PCM1: variants seen among roughly 807,000 people sequenced by gnomAD.
PCM1 encodes pericentriolar material 1.
A neutral mutation model predicts 241.9 loss-of-function variants in PCM1; 157 were observed. The ratio of observed to expected loss-of-function variants is 0.65; its 90% CI spans 0.57 to 0.74. The LOEUF (loss-of-function observed/expected upper bound fraction) is 0.74. Among genes scored for constraint, PCM1 ranks in the 30% least tolerant of loss-of-function variants. The pLI is 0.00. For missense variants in PCM1, 3,478 were observed against 2,360.1 expected (o/e 1.47, Z -9.81); for synonymous variants, 1,085 against 784.9 (o/e 1.38, Z -6.39).
At chr8:17,961,822 G>A (rs192491420) in intron 15 of PCM1, among the ~76,000 whole-genome samples, 314 of 152,128 alleles carry the variant, frequency 2.1e-3, no homozygotes, top group Middle Eastern at 3.4e-3. Context: ...TGTTTCTGTT[G>A]TTTCTGAGGG....
chr8:18,019,298 A>G (rs576828346), intron 36 of PCM1, among the ~76,000 whole-genome samples: 3 of 152,266 alleles, frequency 2.0e-5, no homozygotes, highest in African/African-American at 4.8e-5. Context: ...TAAGGCCTCA[A>G]TGGCAAAACT....
At chr8:17,965,785 CATACATGAAAAAG>C (rs1399410253) in intron 18 of PCM1, among the ~76,000 whole-genome samples, 1 of 152,144 alleles carries the variant, frequency 6.6e-6, no homozygotes, top group African/African-American at 2.4e-5. Flanking sequence ...TGTGTAAAAA[CATACATGAAAAAG>C]ACTGGAGACT....
At chr8:17,992,162 T>G (rs962255452) in intron 28 of PCM1, among the ~76,000 whole-genome samples, 5 of 152,252 alleles carry the variant, frequency 3.3e-5, no homozygotes, top group Non-Finnish European at 2.9e-5. Context: ...ACATTTGGAC[T>G]GGTTCCATAT....
intron 15 of PCM1, among the ~76,000 whole-genome samples, chr8:17,961,807 CCTGTTGTTT>C (rs1180406487): frequency 6.6e-6 from 1 of 151,890 alleles, no homozygotes; most frequent in Admixed American, 6.6e-5. Flanking sequence ...ATGTTTTATC[CCTGTTGTTT>C]CTGTTGTTTC....
chr8:18,013,692 T>C, intron 34 of PCM1: 1 of 303,888 alleles, frequency 3.3e-6, no homozygotes, highest in Non-Finnish European at 5.9e-6. Context: ...ATTAAGTGTC[T>C]TTTAGAGTCT....
At chr8:18,003,555 C>G (rs143487192) in intron 29 of PCM1, among the ~76,000 whole-genome samples, 42 of 152,196 alleles carry the variant, frequency 2.8e-4, no homozygotes, top group African/African-American at 1.0e-3. Flanking sequence ...CTTCACTGTT[C>G]CTGAGATACT....
At chr8:17,963,347 T>C (rs2073392659) in intron 17 of PCM1, 56 bp downstream of exon 17, 1 of 1,345,152 alleles carries the variant, frequency 7.4e-7, no homozygotes, top group Non-Finnish European at 1.0e-6. Flanking sequence ...AAGATTGACC[T>C]GTAGGCTAGG....
rs751617886 is a variant in PCM1 at position 17,957,654 on chromosome 8, G to C, written c.1919G>C (p.Ser640Thr). 8 of 1,601,500 alleles carry C rather than the reference G, an allele frequency of 5.0e-6. No homozygotes were observed. The African/African-American group carries it at 6.7e-5, about 13-fold the overall frequency. Reference protein sequence around the residue: ...EEGVSGASLSSHRSSLVDEHP... With the variant: ...EEGVSGASLSTHRSSLVDEHP... Reference sequence around the variant, plus strand: ...GGAGTCAGTGGAGCTTCATTATCTAGTCACAGGAGCAGTCTGGTTGATGAG... The same window carrying C: ...GGAGTCAGTGGAGCTTCATTATCTACTCACAGGAGCAGTCTGGTTGATGAG... Residue 640 changes from serine (S) to threonine (T), a missense_variant, in exon 13 of 39, where the codon AGT (serine) becomes ACT (threonine). Transcript: ENST00000325083.
intron 30 of PCM1, among the ~76,000 whole-genome samples, chr8:18,009,271 A>C (rs2092071721): frequency 6.6e-6 from 1 of 152,210 alleles, no homozygotes; most frequent in Non-Finnish European, 1.5e-5. Flanking sequence ...TTCTGGTATT[A>C]GAAATCCCTG....
chr8:18,024,182 C>T (rs2093981073), intron 36 of PCM1, among the ~76,000 whole-genome samples: 1 of 152,148 alleles, frequency 6.6e-6, no homozygotes, highest in African/African-American at 2.4e-5. Flanking sequence ...ACCTGGGCAA[C>T]ATAGTAAGAC....
At chr8:17,941,938 A>G (rs2062198387) in intron 6 of PCM1, among the ~76,000 whole-genome samples, 1 of 152,118 alleles carries the variant, frequency 6.6e-6, no homozygotes, top group Non-Finnish European at 1.5e-5. Flanking sequence ...TTACTCTTAC[A>G]TATTAATTGT....
Position 17,942,194 on chromosome 8 carries a change from A to G in PCM1, c.783+2333A>G, listed in dbSNP as rs74454056. ...CTGATATTTGTGTTTATTAATTTAG[A>G]TGGGGCCAGGCGTGGTAATTCTAGC... On this transcript the variant is annotated intron_variant, in intron 6 of 38. Coordinates refer to ENST00000325083, the MANE Select transcript of PCM1 (RefSeq NM_006197.4). Among the ~76,000 whole-genome samples, 1,196 of 152,280 alleles carry G rather than the reference A, an allele frequency of 7.9e-3. 16 individuals carry two copies. Among genetic ancestry groups the G allele is most frequent in the African/African-American group, 0.027 (1,121 of 41,544 alleles).
At chr8:17,930,732 T>A (rs1402271996) in intron 2 of PCM1, among the ~76,000 whole-genome samples, 1 of 151,834 alleles carries the variant, frequency 6.6e-6, no homozygotes, top group Non-Finnish European at 1.5e-5. Flanking sequence ...CAACAAAAAT[T>A]AGCCAGGCGT....
In PCM1 at chr8:17,972,387, C is replaced by G. The variant is rs992024077; in HGVS notation, c.3643C>G (p.Gln1215Glu). The G allele has an allele frequency of 3.8e-6, 6 of 1,597,064 alleles. No individual in the cohort carries two copies. The Admixed American group carries it at 6.9e-5, about 18-fold the overall frequency. ...ESSRTPWLYE[Q>E]EGEVEKPFIK... ...CAGTAGGACACCATGGTTATATGAA[C>G]AAGAAGGTGAAGTAGAGAAACCATT... The change falls in exon 23 of 39, where the codon CAA becomes GAA. Residue 1215 changes from glutamine (Q) to glutamate (E), a missense_variant. Physicochemically the swap from Gln to Glu is conservative, Grantham distance 29 (BLOSUM62 2). Transcript: ENST00000325083.
intron 36 of PCM1, among the ~76,000 whole-genome samples, chr8:18,020,066 A>C (rs1403442738): frequency 6.6e-6 from 1 of 152,180 alleles, no homozygotes; most frequent in Non-Finnish European, 1.5e-5. Context: ...TGCCATGGGA[A>C]GATAATTAGG....
intron 10 of PCM1, 178 bp downstream of exon 10, chr8:17,955,831 AGATGT>A: frequency 1.6e-6 from 1 of 607,050 alleles, no homozygotes; most frequent in Non-Finnish European, 2.9e-6. Context: ...GTTGTCTAAG[AGATGT>A]GATGTAACAT....
At chr8:17,992,860 G>T (rs1048909101) in intron 28 of PCM1, among the ~76,000 whole-genome samples, 1 of 150,542 alleles carries the variant, frequency 6.6e-6, no homozygotes, top group Non-Finnish European at 1.5e-5. Context: ...CAAGTGATCT[G>T]CCCACCTCAG....
chr8:18,015,220 T>C (rs1234269413), intron 36 of PCM1, among the ~76,000 whole-genome samples: 1 of 150,816 alleles, frequency 6.6e-6, no homozygotes, highest in African/African-American at 2.4e-5. Flanking sequence ...AATAAAACAG[T>C]TTGACAACAG....
chr8:18,005,930 CAG>C, intron 29 of PCM1: 1 of 187,162 alleles, frequency 5.3e-6, no homozygotes, highest in Non-Finnish European at 1.1e-5. Context: ...TGAATGAAAA[CAG>C]AAAGATTGGC....
Sources: allele counts gnomAD v4.1 joint callset (sites outside exome capture counted in the v4.1 genomes callset), GRCh38; gene constraint gnomAD v4.1.1; transcripts MANE v1.5; gene names NCBI Gene and HGNC (gene_info 2026-07-23, HGNC 2026-07-21).